The following SHC2 variants were observed in gnomAD, a reference collection of about 807,000 sequenced individuals.
The protein encoded by SHC2 is SHC-transforming protein 2.
Under a neutral mutation model 60.6 loss-of-function variants are expected in SHC2, and 62 were observed. The ratio of observed to expected loss-of-function variants is 1.02; its 90% confidence interval spans 0.83 to 1.26. The LOEUF (loss-of-function observed/expected upper bound fraction) is 1.26. SHC2 is among the 50% of genes most tolerant of loss of function. The pLI is 0.00. For missense variants in SHC2, 873 were observed against 822.2 expected, an observed-to-expected ratio of 1.06 and a Z score of -0.76; for synonymous variants, 375 against 372.4, an observed-to-expected ratio of 1.01 and a Z score of -0.08.
At chr19:458,723 CGG>C in intron 1 of SHC2, among the ~76,000 whole-genome samples, 4 of 90,944 alleles carry the variant, frequency 4.4e-5, no homozygotes, top group African/African-American at 1.5e-4. Flanking sequence ...CTTGGGGAGG[CGG>C]AAGTGGGTTC....
chr19:434,355 A>G (rs1974656093), intron 8 of SHC2, among the ~76,000 whole-genome samples: 1 of 38,802 alleles, frequency 2.6e-5, no homozygotes, highest in African/African-American at 1.0e-4. Context: ...TGAGTGAGTG[A>G]GATCATGAGA....
At position 422,885 on chromosome 19, in the gene SHC2, C is replaced by T. The variant is rs1406406354; in HGVS notation, c.1310-429G>A. ...GCCGGCACCCCTCTCTTGCCCCTAGCGTTAAAATGTTCTGCCCTGGGTTTT... is the reference window on the plus strand; with the variant it reads ...GCCGGCACCCCTCTCTTGCCCCTAGTGTTAAAATGTTCTGCCCTGGGTTTT... On this transcript the variant is annotated intron_variant, in intron 10 of 12. Coordinates refer to ENST00000264554, the MANE Select transcript of SHC2 (RefSeq NM_012435.3). The surrounding 1 kb of genome is among the most constrained non-coding windows in gnomAD (Gnocchi z 5.0). 1.8e-5 allele frequency: 3 copies of T among 165,976 alleles called. No homozygotes were observed. Among genetic ancestry groups the T allele is most frequent in the Non-Finnish European group, 3.9e-5 (3 of 77,214 alleles). 10.3% of individuals were successfully genotyped at this position (165,976 alleles called of 1,614,324 possible). A position where few individuals can be genotyped will look rare whatever the true frequency, so the allele number is the denominator to read the frequency against.
intron 12 of SHC2, 80 bp downstream of exon 12, chr19:418,843 G>A: frequency 4.1e-6 from 6 of 1,477,068 alleles, no homozygotes; most frequent in South Asian, 1.3e-5. Context: ...CACGGCACGT[G>A]AACCGGGTCT....
At chr19:434,913 G>T in intron 7 of SHC2, 48 bp from the exon 8 acceptor site, 1 of 1,572,240 alleles carries the variant, frequency 6.4e-7, no homozygotes. Flanking sequence ...GCCCAAGGGG[G>T]CTAAAGCCTT....
chr19:435,448 C>T (rs1042476116), intron 7 of SHC2, among the ~76,000 whole-genome samples: 2 of 152,266 alleles, frequency 1.3e-5, no homozygotes, highest in African/African-American at 4.8e-5. Flanking sequence ...ATCAAGCACG[C>T]TGTCCCCGTG....
intron 8 of SHC2, 110 bp from the exon 9 acceptor site, chr19:430,857 G>GCTCCCCACCCCTAA: frequency 4.1e-6 from 4 of 967,352 alleles, no homozygotes; most frequent in Non-Finnish European, 6.3e-6. Context: ...ACTTAGGGGT[G>GCTCCCCACCCCTAA]GGGAGCACAG....
chr19:427,258 C>T (rs1974439014), intron 9 of SHC2, among the ~76,000 whole-genome samples: 1 of 152,202 alleles, frequency 6.6e-6, no homozygotes, highest in Non-Finnish European at 1.5e-5. Context: ...GGCTGGTGGG[C>T]GAGCCGACTG....
chr19:456,059 C>T (rs1368704218), intron 1 of SHC2, among the ~76,000 whole-genome samples: 3 of 152,208 alleles, frequency 2.0e-5, no homozygotes, highest in Non-Finnish European at 2.9e-5. Context: ...CCCTCAGCCC[C>T]GGGTTCTGGT....
At chr19:421,976 T>C (rs558400399) in intron 11 of SHC2, among the ~76,000 whole-genome samples, 170 bp downstream of exon 11, 3 of 152,228 alleles carry the variant, frequency 2.0e-5, no homozygotes, top group East Asian at 3.9e-4. Context: ...TGGAACAATC[T>C]GGAAAAACTT....
chr19:457,954 C>T (rs1370659480), intron 1 of SHC2, among the ~76,000 whole-genome samples: 1 of 151,604 alleles, frequency 6.6e-6, no homozygotes, highest in Non-Finnish European at 1.5e-5. Context: ...AAGTGGGTCC[C>T]GGGGAGGCGG....
Position 438,851 on chromosome 19 carries a change from G to T in SHC2, c.601-14C>A. ...CTTGTTGGGGGCCTGAGTTGGGGGC[G>T]GAGCACAGCGAGGGCGGCTGTGGGT... On this transcript the variant is annotated splice_polypyrimidine_tract_variant and intron_variant, in intron 3 of 12. Transcript: ENST00000264554. This position sits in a 1 kb window ranked among gnomAD's most constrained non-coding sequence, Gnocchi z 5.0. 1 of 1,560,992 alleles carries T rather than the reference G, an allele frequency of 6.4e-7. No homozygotes were observed. Among genetic ancestry groups the T allele is most frequent in the Non-Finnish European group, 8.7e-7 (1 of 1,153,584 alleles).
rs1422924415 is a variant in SHC2 at position 441,323 on chromosome 19, C to T, written c.469-391G>A. On this transcript the variant is annotated intron_variant, in intron 1 of 12. Transcript: ENST00000264554. This position sits in a 1 kb window ranked among gnomAD's most constrained non-coding sequence, Gnocchi z 4.9. ...CTCCAGCGCCCAGTTCAGGGTCTGG[C>T]AAACAGTGGGGCAGACGTCCAGGGC... is the stretch of plus-strand genomic sequence containing the variant. The T allele has an allele frequency of 4.7e-6, 1 of 214,128 alleles. No individual in the cohort carries two copies. The highest frequency in any genetic ancestry group is 6.5e-5 in the Admixed American group (1 of 15,362). The allele number at this position is 214,128 out of a possible 1,614,324, so 13.3% of individuals were successfully genotyped here.
rs1420490379 is a variant in SHC2 at position 446,597 on chromosome 19, GC to G, written c.469-5666del. Among the ~76,000 whole-genome samples, 1 of 152,148 alleles carries G rather than the reference GC, an allele frequency of 6.6e-6. No individual in the cohort carries two copies. ...TGGGACTACAGGCGTGAGTCACCGC[GC>G]CCGGCTGTCTGTGTTGTTTTAAGCC... On this transcript the variant is annotated intron_variant, in intron 1 of 12. Coordinates refer to ENST00000264554, the MANE Select transcript of SHC2 (RefSeq NM_012435.3). This position sits in a 1 kb window ranked among gnomAD's most constrained non-coding sequence, Gnocchi z 5.4.
intron 10 of SHC2, among the ~76,000 whole-genome samples, chr19:423,962 C>A (rs888385255): frequency 1.3e-5 from 2 of 152,216 alleles, no homozygotes; most frequent in African/African-American, 4.8e-5. Context: ...GAGGAGCAAG[C>A]TCTTCACGTA....
At position 438,909 on chromosome 19, in the gene SHC2, A is replaced by G. The variant is rs1161957797; in HGVS notation, c.600+61T>C. 3 of 1,554,924 alleles carry G rather than the reference A, an allele frequency of 1.9e-6. No homozygotes were observed. Among genetic ancestry groups the G allele is most frequent in the Admixed American group, 1.9e-5 (1 of 52,138 alleles). On this transcript the variant is annotated intron_variant, in intron 3 of 12. Coordinates refer to ENST00000264554, the MANE Select transcript of SHC2 (RefSeq NM_012435.3). The surrounding 1 kb of genome is among the most constrained non-coding windows in gnomAD (Gnocchi z 5.0). ...GTCGAGGGGCTCCCAGGATGGCCGC[A>G]GCGTCCCCACAGCCCCCGACTGCCC...
intron 12 of SHC2, 78 bp downstream of exon 12, chr19:418,845 A>T: frequency 6.8e-7 from 1 of 1,471,618 alleles, no homozygotes; most frequent in Non-Finnish European, 9.1e-7. Context: ...CGGCACGTGA[A>T]CCGGGTCTCA....
intron 4 of SHC2, among the ~76,000 whole-genome samples, chr19:437,979 T>C (rs1225959508): frequency 1.3e-5 from 2 of 152,140 alleles, no homozygotes; most frequent in East Asian, 1.9e-4. Flanking sequence ...TCTGCAATTA[T>C]AGTTTTTTGT....
In SHC2 at chr19:438,887, G is replaced by C. The variant is rs754018497; in HGVS notation, c.601-50C>G. 3.2e-6 allele frequency: 5 copies of C among 1,552,512 alleles called. No homozygotes were observed. In the East Asian group the frequency reaches 1.2e-4, roughly 38 times the overall value. Reference sequence around the variant, plus strand: ...AGGGCGGCTGTGGGTGGGGGCTGTCGAGGGGCTCCCAGGATGGCCGCAGCG... The same window carrying C: ...AGGGCGGCTGTGGGTGGGGGCTGTCCAGGGGCTCCCAGGATGGCCGCAGCG... On this transcript the variant is annotated intron_variant, in intron 3 of 12. Coordinates refer to ENST00000264554, the MANE Select transcript of SHC2 (RefSeq NM_012435.3). This position sits in a 1 kb window ranked among gnomAD's most constrained non-coding sequence, Gnocchi z 5.0.
chr19:453,809 G>A lies in SHC2; in HGVS notation c.468+6720C>T, dbSNP rs1975261862. Among the ~76,000 whole-genome samples the A allele has an allele frequency of 1.3e-5, 2 of 152,144 alleles. No homozygotes were observed. The highest frequency in any genetic ancestry group is 4.8e-5 in the African/African-American group (2 of 41,420). ...ATCCCCCACCGGGCCTGGGCTCCAC[G>A]CACCTGGAGCAGAGCCAGACACGCA... On this transcript the variant is annotated intron_variant, in intron 1 of 12. Transcript: ENST00000264554. This position sits in a 1 kb window ranked among gnomAD's most constrained non-coding sequence, Gnocchi z 6.3.
Sources: allele counts gnomAD v4.1 joint callset (sites outside exome capture counted in the v4.1 genomes callset), GRCh38; gene constraint gnomAD v4.1.1; non-coding constraint Gnocchi (gnomAD v3.1); transcripts MANE v1.5; gene names NCBI Gene and HGNC (gene_info 2026-07-23, HGNC 2026-07-21).